The following RAB4A variants were observed in gnomAD, a reference collection of about 807,000 sequenced individuals.
RAB4A encodes RAB4A, member RAS oncogene family, also known as ras-related protein Rab-4A.
Under a neutral mutation model 34.5 loss-of-function variants are expected in RAB4A, and 20 were observed. The observed-to-expected ratio is 0.58, with a 90% CI of 0.41 to 0.84. The LOEUF (loss-of-function observed/expected upper bound fraction) is 0.84, where lower values mean the gene tolerates loss of function less well. Among genes scored for constraint, RAB4A ranks in the 40% least tolerant of loss-of-function variants. The pLI is 0.00. For missense variants in RAB4A, 228 were observed against 274.5 expected (o/e 0.83, Z 1.20); for synonymous variants, 102 against 100.0 (o/e 1.02, Z -0.12).
intron 3 of RAB4A, among the ~76,000 whole-genome samples, chr1:229,294,073 G>A (rs1274500487): frequency 6.6e-6 from 1 of 152,182 alleles, no homozygotes; most frequent in Non-Finnish European, 1.5e-5. Flanking sequence ...CAGGAATTGA[G>A]GATGAATGTG....
intron 3 of RAB4A, among the ~76,000 whole-genome samples, chr1:229,294,608 G>C (rs944182566): frequency 6.6e-6 from 1 of 152,242 alleles, no homozygotes; most frequent in Admixed American, 6.5e-5. Flanking sequence ...GGGAGGCCGA[G>C]GCGGGTGGAT....
chr1:229,291,106 C>T (rs957553302), intron 3 of RAB4A, among the ~76,000 whole-genome samples: 2 of 152,200 alleles, frequency 1.3e-5, no homozygotes, highest in African/African-American at 4.8e-5. Context: ...TCCACAGCAA[C>T]ATTGGAAGCT....
intron 1 of RAB4A, among the ~76,000 whole-genome samples, chr1:229,279,342 G>T (rs572317666): frequency 6.6e-6 from 1 of 152,318 alleles, no homozygotes; most frequent in East Asian, 1.9e-4. Flanking sequence ...AACACTCAAG[G>T]TCATCATTGA....
chr1:229,272,276 C>T (rs531470614), intron 1 of RAB4A, among the ~76,000 whole-genome samples: 1 of 151,996 alleles, frequency 6.6e-6, no homozygotes, highest in African/African-American at 2.4e-5. Flanking sequence ...TTTTACAGTC[C>T]CAGAGAGAGG....
rs567159147 is a variant in RAB4A at position 229,304,404 on chromosome 1, C to T, written c.*611C>T. On this transcript the variant is annotated 3_prime_UTR_variant, in exon 8 of 8. Transcript: ENST00000366690. ...AATAAAATGAAAAATTGAGTTTTTC[C>T]GTGAACTTTATACTGTCCAGCTCTG... The T allele has an allele frequency of 2.0e-5, 3 of 151,846 alleles. No homozygotes were observed. The highest frequency in any genetic ancestry group is 3.9e-4 in the East Asian group (2 of 5,174). 9.4% of individuals were successfully genotyped at this position (151,846 alleles called of 1,614,324 possible).
At chr1:229,288,915 T>C in intron 3 of RAB4A, 72 bp downstream of exon 3, 1 of 932,308 alleles carries the variant, frequency 1.1e-6, no homozygotes, top group Non-Finnish European at 1.7e-6. Flanking sequence ...TCTCTCAATA[T>C]ATAAGGTCTC....
intron 1 of RAB4A, among the ~76,000 whole-genome samples, chr1:229,274,705 A>G (rs1170946136): frequency 6.6e-6 from 1 of 152,238 alleles, no homozygotes; most frequent in Admixed American, 6.5e-5. Flanking sequence ...GCTGAAAGTA[A>G]TTTTGATGCT....
chr1:229,276,092 GAATA>G (rs1326904916), intron 1 of RAB4A, among the ~76,000 whole-genome samples: 4 of 151,348 alleles, frequency 2.6e-5, no homozygotes, highest in Non-Finnish European at 5.9e-5. Context: ...TCTTCAAGTT[GAATA>G]AATATATGAT....
intron 4 of RAB4A, among the ~76,000 whole-genome samples, chr1:229,296,716 G>T (rs148581135): frequency 6.6e-6 from 1 of 152,160 alleles, no homozygotes; most frequent in Non-Finnish European, 1.5e-5. Context: ...CTCAGCAGCC[G>T]CTTCCCTCTT....
intron 1 of RAB4A, among the ~76,000 whole-genome samples, chr1:229,281,421 A>C (rs1333413748): frequency 1.3e-5 from 2 of 151,940 alleles, no homozygotes; most frequent in Non-Finnish European, 2.9e-5. Flanking sequence ...TTTGTTCTGA[A>C]GTCTATTTTA....
intron 3 of RAB4A, among the ~76,000 whole-genome samples, chr1:229,291,904 C>T (rs1483280904): frequency 3.9e-5 from 6 of 151,984 alleles, no homozygotes; most frequent in East Asian, 1.9e-4. Flanking sequence ...ATGATGAGTT[C>T]GTGTCCTTTG....
chr1:229,295,287 G>T (rs1449175317), intron 3 of RAB4A, among the ~76,000 whole-genome samples: 1 of 152,150 alleles, frequency 6.6e-6, no homozygotes. Flanking sequence ...CAATGTAGGG[G>T]AAAACATGTA....
intron 1 of RAB4A, among the ~76,000 whole-genome samples, chr1:229,285,887 C>T (rs1656908924): frequency 6.6e-6 from 1 of 152,112 alleles, no homozygotes; most frequent in Non-Finnish European, 1.5e-5. Context: ...AAATATATTA[C>T]TATGTGTAAA....
At chr1:229,289,175 T>C in intron 3 of RAB4A, 1 of 192,412 alleles carries the variant, frequency 5.2e-6, no homozygotes. Context: ...TCTGTGTTCC[T>C]TTTTTAAAGA....
At chr1:229,279,257 G>A (rs998613823) in intron 1 of RAB4A, among the ~76,000 whole-genome samples, 2 of 152,194 alleles carry the variant, frequency 1.3e-5, no homozygotes, top group East Asian at 1.9e-4. Context: ...AATCTTGAAA[G>A]CAAGACGATT....
intron 1 of RAB4A, among the ~76,000 whole-genome samples, chr1:229,274,304 A>T (rs1446731298): frequency 1.3e-5 from 2 of 150,788 alleles, no homozygotes; most frequent in Non-Finnish European, 2.9e-5. Flanking sequence ...GGCTCAAGTG[A>T]TCCTCGTGCC....
At chr1:229,278,434 A>G (rs1226921645) in intron 1 of RAB4A, among the ~76,000 whole-genome samples, 3 of 152,140 alleles carry the variant, frequency 2.0e-5, no homozygotes, top group Non-Finnish European at 4.4e-5. Flanking sequence ...CACATCAGCT[A>G]TTTTAAACCT....
intron 4 of RAB4A, among the ~76,000 whole-genome samples, chr1:229,296,837 G>A (rs1657262504): frequency 6.6e-6 from 1 of 152,218 alleles, no homozygotes; most frequent in Non-Finnish European, 1.5e-5. Flanking sequence ...AAAGTGTGAA[G>A]TCATCAATCA....
In RAB4A at chr1:229,295,893, C is replaced by A; in HGVS notation, c.273C>A (p.Leu91=). Residue 91 remains leucine (L), a synonymous_variant, in exon 4 of 8, where the codon CTC becomes CTA. Transcript: ENST00000366690. ...SYYRGAAGAL[L]VYDITSRETY... is the part of the protein sequence containing the mutation. ...ACCGAGGCGCGGCCGGGGCTCTCCT[C>A]GTCTATGATATCACCAGGTAATGCC... is the stretch of plus-strand genomic sequence containing the variant. 1 of 1,614,058 alleles carries A rather than the reference C, an allele frequency of 6.2e-7. No individual in the cohort carries two copies. Among genetic ancestry groups the A allele is most frequent in the South Asian group, 1.1e-5 (1 of 91,058 alleles).
Sources: allele counts gnomAD v4.1 joint callset (sites outside exome capture counted in the v4.1 genomes callset), GRCh38; gene constraint gnomAD v4.1.1; transcripts MANE v1.5; gene names NCBI Gene and HGNC (gene_info 2026-07-23, HGNC 2026-07-21).